NMT2: variants seen among roughly 807,000 people sequenced by gnomAD.
The protein encoded by NMT2 is N-myristoyltransferase 2.
Under a neutral mutation model 65.4 loss-of-function variants are expected in NMT2, and 35 were observed. That is an observed-to-expected ratio of 0.54 (90% CI 0.41 to 0.71). NMT2 has a LOEUF of 0.71. NMT2 is among the 30% of genes least tolerant of loss of function. NMT2 has a pLI of 0.00. For synonymous variants in NMT2, 226 were observed against 231.8 expected (o/e 0.98, Z 0.23); for missense variants, 489 against 611.3 (o/e 0.80, Z 2.11).
Position 15,168,681 on chromosome 10 carries a change from CTCCCGCCG to C in NMT2, c.-77_-70del. On this transcript the variant is annotated 5_prime_UTR_variant, in exon 1 of 12. Coordinates refer to ENST00000378165, the MANE Select transcript of NMT2 (RefSeq NM_004808.3). ...GAGCGGCCGCAGCTCCCTCTAGTGC[CTCCCGCCG>C]TACTGCTTGGAGTCGGAGCCCGGGC... The C allele has an allele frequency of 8.2e-7, 1 of 1,217,166 alleles. No homozygotes were observed. The highest frequency in any genetic ancestry group is 1.1e-6 in the Non-Finnish European group (1 of 880,690). The allele number at this position is 1,217,166 out of a possible 1,614,324, so 75.4% of individuals were successfully genotyped here.
At chr10:15,138,375 CAGTA>C (rs1846596892) in intron 2 of NMT2, 1 of 471,070 alleles carries the variant, frequency 2.1e-6, no homozygotes. Context: ...AGGGACAAAG[CAGTA>C]AGGGAAACTC....
chr10:15,135,900 A>G (rs1287971253), intron 2 of NMT2, among the ~76,000 whole-genome samples: 1 of 151,278 alleles, frequency 6.6e-6, no homozygotes, highest in Non-Finnish European at 1.5e-5. Context: ...GAAGAGAGAG[A>G]GAGAAAACAA....
intron 1 of NMT2, among the ~76,000 whole-genome samples, chr10:15,163,151 G>A (rs988193071): frequency 6.6e-6 from 1 of 152,130 alleles, no homozygotes; most frequent in Non-Finnish European, 1.5e-5. Flanking sequence ...GGCCTCAAGC[G>A]ATCCTCCACC....
intron 8 of NMT2, among the ~76,000 whole-genome samples, chr10:15,126,708 A>T (rs540608274): frequency 4.3e-4 from 65 of 152,304 alleles, no homozygotes; most frequent in African/African-American, 1.5e-3. Context: ...TTCAGATGAG[A>T]CCTCAGCCCT....
At chr10:15,149,589 T>G (rs986981014) in intron 1 of NMT2, among the ~76,000 whole-genome samples, 2 of 145,146 alleles carry the variant, frequency 1.4e-5, no homozygotes, top group Non-Finnish European at 3.0e-5. Context: ...ATCACCACCA[T>G]CATCACCATC....
chr10:15,156,269 C>G (rs544723441), intron 1 of NMT2, among the ~76,000 whole-genome samples: 1 of 152,202 alleles, frequency 6.6e-6, no homozygotes, highest in East Asian at 1.9e-4. Flanking sequence ...CTCATGAAAT[C>G]TGACGATTTT....
At chr10:15,159,307 T>C (rs751248287) in intron 1 of NMT2, among the ~76,000 whole-genome samples, 1 of 152,336 alleles carries the variant, frequency 6.6e-6, no homozygotes. Context: ...CTTGGGTACT[T>C]GACTTTCTAT....
intron 1 of NMT2, among the ~76,000 whole-genome samples, chr10:15,151,074 T>TTTTTTTGG (rs1832785755): frequency 6.6e-6 from 1 of 151,644 alleles, no homozygotes. Context: ...TTTTTTTTTT[T>TTTTTTTGG]GGAGACGGAG....
intron 8 of NMT2, among the ~76,000 whole-genome samples, chr10:15,127,533 T>C (rs370145665): frequency 0.19 from 19,663 of 102,104 alleles, 3,226 homozygotes; most frequent in African/African-American, 0.46. Flanking sequence ...GGCGACAGAG[T>C]GAGACTCCGT....
Position 15,112,993 on chromosome 10 carries a change from TCTC to T in NMT2, c.1171-33_1171-31del, listed in dbSNP as rs768218217. On this transcript the variant is annotated intron_variant, in intron 9 of 11. Coordinates refer to ENST00000378165, the MANE Select transcript of NMT2 (RefSeq NM_004808.3). ...GAGCAAAAGTGCTGTCAGACAGAGA[TCTC>T]CTTGAACCAACTGCATACGTGCATT... is the stretch of plus-strand genomic sequence containing the variant. The T allele has an allele frequency of 1.9e-6, 3 of 1,609,202 alleles. No individual in the cohort carries two copies. The East Asian group carries it at 6.7e-5, about 36-fold the overall frequency.
intron 2 of NMT2, among the ~76,000 whole-genome samples, chr10:15,136,243 AGGAAGGGAAGGGAAGGGAAAG>A (rs1385626631): frequency 7.0e-5 from 10 of 141,996 alleles, no homozygotes; most frequent in East Asian, 4.9e-4. Flanking sequence ...GGAAAGGGAA[AGGAAGGGAAGGGAAGGGAAAG>A]GGAAGGGAAG....
chr10:15,141,323 C>T (rs1846746993), intron 2 of NMT2, 99 bp downstream of exon 2: 3 of 1,449,258 alleles, frequency 2.1e-6, no homozygotes, highest in Admixed American at 2.0e-5. Context: ...ACAGTCACAA[C>T]AAAGTCCCTA....
At chr10:15,157,131 T>C (rs1588457266) in intron 1 of NMT2, among the ~76,000 whole-genome samples, 1 of 152,178 alleles carries the variant, frequency 6.6e-6, no homozygotes, top group East Asian at 1.9e-4. Flanking sequence ...GGGAAGGTAC[T>C]ATATGAGCTG....
intron 1 of NMT2, among the ~76,000 whole-genome samples, chr10:15,162,813 T>C (rs1833243201): frequency 6.7e-6 from 1 of 148,390 alleles, no homozygotes; most frequent in Non-Finnish European, 1.5e-5. Flanking sequence ...TGATATTATA[T>C]ATCTGTATTT....
intron 1 of NMT2, among the ~76,000 whole-genome samples, chr10:15,152,828 C>T (rs1350028978): frequency 6.6e-6 from 1 of 152,216 alleles, no homozygotes; most frequent in Non-Finnish European, 1.5e-5. Context: ...ACCACACTGC[C>T]TTCCTAAAAC....
At chr10:15,149,739 C>T (rs1008186905) in intron 1 of NMT2, among the ~76,000 whole-genome samples, 2 of 151,990 alleles carry the variant, frequency 1.3e-5, no homozygotes, top group African/African-American at 2.4e-5. Context: ...TTATTATTCC[C>T]GTTTTATAGA....
At chr10:15,109,557 C>T (rs372784748) in intron 11 of NMT2, 145 bp downstream of exon 11, 11 of 648,090 alleles carry the variant, frequency 1.7e-5, no homozygotes, top group South Asian at 4.2e-5. Context: ...GGGGACAGAG[C>T]GAGACTTCAT....
rs577451706 is a variant in NMT2, at chr10:15,107,600, C to T, written c.*1595G>A. 6.9e-4 allele frequency: 288 copies of T among 415,516 alleles called. No individual in the cohort carries two copies. Among genetic ancestry groups the T allele is most frequent in the Non-Finnish European group, 8.9e-4 (276 of 309,550 alleles). The allele number at this position is 415,516 out of a possible 1,614,324, so 25.7% of individuals were successfully genotyped here. ...CCTAGCAGCTGGGATTACAGGCACC[C>T]GCCACCACACCCAGCTAGTTCTTTT... On this transcript the variant is annotated 3_prime_UTR_variant, in exon 12 of 12. Coordinates refer to ENST00000378165, the MANE Select transcript of NMT2 (RefSeq NM_004808.3).
intron 1 of NMT2, among the ~76,000 whole-genome samples, chr10:15,162,540 T>C (rs1240307327): frequency 1.3e-5 from 2 of 151,788 alleles, no homozygotes; most frequent in East Asian, 1.9e-4. Flanking sequence ...CCCAACTGGA[T>C]TACTATCACC....
Sources: allele counts gnomAD v4.1 joint callset (sites outside exome capture counted in the v4.1 genomes callset), GRCh38; gene constraint gnomAD v4.1.1; transcripts MANE v1.5; gene names NCBI Gene and HGNC (gene_info 2026-07-23, HGNC 2026-07-21).